RYR2: variants seen among roughly 807,000 people sequenced by gnomAD.
RYR2 encodes ryanodine receptor 2, also known as cardiac muscle ryanodine receptor-calcium release channel.
A neutral mutation model predicts 601.1 loss-of-function variants in RYR2; 227 were observed. The observed-to-expected ratio is 0.38, with a 90% confidence interval of 0.34 to 0.42. RYR2 has a LOEUF of 0.42. Ranked by LOEUF, RYR2 falls within the 10% of genes least tolerant of loss-of-function variation. The pLI is 1.00. For missense variants in RYR2, 4,646 were observed against 6,156.5 expected (o/e 0.75, Z 8.21); for synonymous variants, 2,223 against 2,175.1 (o/e 1.02, Z -0.61).
At chr1:237,150,577 A>G (rs1674598151) in intron 1 of RYR2, among the ~76,000 whole-genome samples, 1 of 152,216 alleles carries the variant, frequency 6.6e-6, no homozygotes. Context: ...CAACAACAAA[A>G]ACACAAAGAA....
At chr1:237,538,765 C>T (rs986629107) in intron 25 of RYR2, among the ~76,000 whole-genome samples, 26 of 116,094 alleles carry the variant, frequency 2.2e-4, no homozygotes, top group African/African-American at 3.4e-4. Flanking sequence ...AGTGAGACTC[C>T]GTCACAATAA....
chr1:237,747,393 A>G (rs1446785146), intron 80 of RYR2, among the ~76,000 whole-genome samples: 2 of 152,232 alleles, frequency 1.3e-5, no homozygotes, highest in Admixed American at 1.3e-4. Flanking sequence ...GGAAACCAGC[A>G]TATTCTCTCA....
chr1:237,226,319 T>C (rs1289604702), intron 1 of RYR2, among the ~76,000 whole-genome samples: 2 of 152,182 alleles, frequency 1.3e-5, no homozygotes, highest in African/African-American at 4.8e-5. Flanking sequence ...ACCAAGGTAG[T>C]TGTGTTTCCT....
chr1:237,454,393 G>A lies in RYR2; in HGVS notation c.1295G>A (p.Gly432Asp). 6 of 1,603,292 alleles carry A rather than the reference G, an allele frequency of 3.7e-6. No homozygotes were observed. Among genetic ancestry groups the A allele is most frequent in the Non-Finnish European group, 5.1e-6 (6 of 1,175,482 alleles). The stretch of plus-strand genomic sequence containing the variant: ...GAAATGTTTATGGTTTATTTTAGGG[G>A]CCTTGATGCTCTCAGCAAGAAAGCG... The part of the protein sequence containing the change: ...TVFLFNRFIR[G>D]LDALSKKAKA... Residue 432 changes from glycine to aspartate, a missense_variant and splice_region_variant, in exon 15 of 105, where the codon GGC becomes GAC. This residue lies in a region of RYR2 where 1,807 missense variants were observed against 2,088.1 expected (regional missense o/e 0.87). Transcript: ENST00000366574.
At chr1:237,057,094 T>C (rs963872169) in intron 1 of RYR2, among the ~76,000 whole-genome samples, 4 of 152,276 alleles carry the variant, frequency 2.6e-5, no homozygotes, top group Admixed American at 2.6e-4. Context: ...TGGAGGCCAC[T>C]GGTGTGATTG....
chr1:237,270,192 C>A, intron 1 of RYR2: 1 of 457,122 alleles, frequency 2.2e-6, no homozygotes, highest in Non-Finnish European at 4.2e-6. Flanking sequence ...TATGAAAATC[C>A]TGTATTTTAC....
chr1:237,217,622 C>G, intron 1 of RYR2, among the ~76,000 whole-genome samples: 1 of 152,148 alleles, frequency 6.6e-6, no homozygotes, highest in East Asian at 1.9e-4. Context: ...ATGGTAAGAA[C>G]TCAGTACATG....
chr1:237,225,091 G>A (rs1022369249), intron 1 of RYR2, among the ~76,000 whole-genome samples: 1 of 152,120 alleles, frequency 6.6e-6, no homozygotes, highest in Non-Finnish European at 1.5e-5. Flanking sequence ...CTCAATTTTG[G>A]TTGAATTCTT....
intron 4 of RYR2, among the ~76,000 whole-genome samples, chr1:237,356,985 G>A (rs1699351898): frequency 6.6e-6 from 1 of 151,910 alleles, no homozygotes; most frequent in African/African-American, 2.4e-5. Context: ...GCAATATTTT[G>A]AGAATTTTGC....
At chr1:237,641,092 C>A in intron 47 of RYR2, 90 bp downstream of exon 47, 1 of 743,084 alleles carries the variant, frequency 1.3e-6, no homozygotes, top group Non-Finnish European at 2.1e-6. Context: ...CATCCAAAAC[C>A]AATAATCTTC....
rs57469003 is a variant in RYR2 at position 237,730,530 on chromosome 1, T to C, written c.10935+174T>C. Among the ~76,000 whole-genome samples, 56 of 152,242 alleles carry C rather than the reference T, an allele frequency of 3.7e-4. No homozygotes were observed. The East Asian group carries it at 8.7e-3, about 24-fold the overall frequency. ...ATTCAATGCTTATGGGAAAATGTGC[T>C]CTTGTCATTTCCAAGAGATCTCATC... On this transcript the variant is annotated intron_variant, in intron 77 of 104. Coordinates refer to ENST00000366574, the MANE Select transcript of RYR2 (RefSeq NM_001035.3).
intron 29 of RYR2, among the ~76,000 whole-genome samples, chr1:237,580,168 T>TC (rs1370217053): frequency 1.3e-5 from 2 of 148,500 alleles, no homozygotes; most frequent in Non-Finnish European, 3.0e-5. Flanking sequence ...TTTTTTTTTT[T>TC]TTTTGAGACG....
intron 29 of RYR2, among the ~76,000 whole-genome samples, chr1:237,584,020 C>T (rs1674224089): frequency 6.6e-6 from 1 of 152,182 alleles, no homozygotes; most frequent in African/African-American, 2.4e-5. Flanking sequence ...ACTGATTGGG[C>T]TCATATGCAC....
intron 1 of RYR2, among the ~76,000 whole-genome samples, chr1:237,080,858 T>C (rs1349947916): frequency 1.1e-5 from 1 of 88,880 alleles, no homozygotes; most frequent in Non-Finnish European, 2.3e-5. Flanking sequence ...CTATTCACAA[T>C]AGCAAAGACT....
Position 237,082,284 on chromosome 1 carries a change from T to C in RYR2, c.48+39715T>C, listed in dbSNP as rs148046446. Among the ~76,000 whole-genome samples the C allele has an allele frequency of 1.5e-3, 233 of 150,480 alleles. 1 individual carries two copies. The highest frequency in any genetic ancestry group is 4.3e-3 in the African/African-American group (172 of 40,002). ...AGAACTTAAAACCTGTGTCAGAGCC[T>C]AAGCACTAAGCACTAAGCATGACTC... On this transcript the variant is annotated intron_variant, in intron 1 of 104. Coordinates refer to ENST00000366574, the MANE Select transcript of RYR2 (RefSeq NM_001035.3).
chr1:237,474,431 C>T (rs1661175597), intron 17 of RYR2, among the ~76,000 whole-genome samples: 1 of 151,818 alleles, frequency 6.6e-6, no homozygotes. Flanking sequence ...CTATATATGC[C>T]TGGGACCACA....
chr1:237,277,229 A>G (rs1690377673), intron 2 of RYR2, among the ~76,000 whole-genome samples: 1 of 152,228 alleles, frequency 6.6e-6, no homozygotes, highest in African/African-American at 2.4e-5. Context: ...TGTTTAAAAA[A>G]TAATAAAATA....
In RYR2 at chr1:237,650,022, A is replaced by G. The variant is rs1358268703; in HGVS notation, c.7658A>G (p.Tyr2553Cys). ...ATTGACTCATTACTTCATACTGTGTATAGACTTTCTAAGGGCTGTTCACTT... is the reference window on the plus strand; with the variant it reads ...ATTGACTCATTACTTCATACTGTGTGTAGACTTTCTAAGGGCTGTTCACTT... ...SLIDSLLHTV[Y>C]RLSKGCSLTK... Residue 2553 changes from tyrosine (Y) to cysteine (C), a missense_variant, in exon 50 of 105, where the codon TAT (tyrosine) becomes TGT (cysteine). Physicochemically the swap from Tyr to Cys is radical, Grantham distance 194. This residue lies in a region of RYR2 where 1,497 missense variants were observed against 1,842.6 expected (regional missense o/e 0.81). Coordinates refer to ENST00000366574, the MANE Select transcript of RYR2 (RefSeq NM_001035.3). 4.3e-6 allele frequency: 7 copies of G among 1,613,912 alleles called. No homozygotes were observed. The highest frequency in any genetic ancestry group is 5.1e-6 in the Non-Finnish European group (6 of 1,179,890).
intron 29 of RYR2, among the ~76,000 whole-genome samples, chr1:237,589,330 A>G (rs1320843551): frequency 6.6e-6 from 1 of 152,176 alleles, no homozygotes; most frequent in Non-Finnish European, 1.5e-5. Context: ...GGAAATCTAT[A>G]GCTCAGACTG....
Sources: allele counts gnomAD v4.1 joint callset (sites outside exome capture counted in the v4.1 genomes callset), GRCh38; gene constraint gnomAD v4.1.1; regional missense constraint gnomAD v4.1.1; transcripts MANE v1.5; gene names NCBI Gene and HGNC (gene_info 2026-07-23, HGNC 2026-07-21).